CNTN5: variants seen among roughly 807,000 people sequenced by gnomAD.
The protein encoded by CNTN5 is contactin 5, also known as contactin-5.
A neutral mutation model predicts 129.1 loss-of-function variants in CNTN5; 77 were observed. The observed-to-expected ratio is 0.60, with a 90% CI of 0.50 to 0.72. CNTN5 has a LOEUF of 0.72. Ranked by LOEUF, CNTN5 falls within the 30% of genes least tolerant of loss-of-function variation. CNTN5 has a pLI of 0.00. For missense variants in CNTN5, 1,478 were observed against 1,328.8 expected (o/e 1.11, Z -1.75); for synonymous variants, 509 against 465.6 (o/e 1.09, Z -1.20).
chr11:100,072,112 A>G (rs577973639), intron 12 of CNTN5, among the ~76,000 whole-genome samples: 1 of 152,336 alleles, frequency 6.6e-6, no homozygotes, highest in East Asian at 1.9e-4. Context: ...TAAAAAAATC[A>G]TATAAAGAAA....
intron 13 of CNTN5, among the ~76,000 whole-genome samples, chr11:100,175,350 A>G (rs1434494214): frequency 6.6e-6 from 1 of 152,112 alleles, no homozygotes; most frequent in Non-Finnish European, 1.5e-5. Context: ...AAGGTATCAA[A>G]AGTGCCTTGT....
chr11:99,213,281 T>C (rs1367766480), intron 1 of CNTN5, among the ~76,000 whole-genome samples: 16 of 145,644 alleles, frequency 1.1e-4, no homozygotes, highest in Non-Finnish European at 2.0e-4. Context: ...TATATATACA[T>C]ATAATATATA....
intron 3 of CNTN5, among the ~76,000 whole-genome samples, chr11:99,755,463 T>TTCCC (rs1944376416): frequency 6.6e-6 from 1 of 152,220 alleles, no homozygotes; most frequent in Non-Finnish European, 1.5e-5. Context: ...TACTTTGTAA[T>TTCCC]TCCCTAATGA....
At chr11:99,153,085 T>A (rs1004210335) in intron 1 of CNTN5, among the ~76,000 whole-genome samples, 5 of 152,178 alleles carry the variant, frequency 3.3e-5, no homozygotes, top group African/African-American at 1.2e-4. Context: ...TTTCTTCTTT[T>A]GTTTTGACAT....
chr11:99,350,619 C>T (rs1409995804), intron 2 of CNTN5, among the ~76,000 whole-genome samples: 3 of 151,948 alleles, frequency 2.0e-5, no homozygotes, highest in Non-Finnish European at 2.9e-5. Context: ...TACTACTAAG[C>T]GGTAAGAAGG....
At chr11:99,050,715 C>T (rs566327591) in intron 1 of CNTN5, among the ~76,000 whole-genome samples, 1 of 151,188 alleles carries the variant, frequency 6.6e-6, no homozygotes, top group South Asian at 2.1e-4. Flanking sequence ...TAGCAACTTA[C>T]AATTTTTAGG....
chr11:100,333,482 G>C (rs1367287198), intron 21 of CNTN5, among the ~76,000 whole-genome samples: 1 of 131,636 alleles, frequency 7.6e-6, no homozygotes, highest in South Asian at 2.3e-4. Flanking sequence ...GCCAAAGCAA[G>C]ACTAAGCAAC....
At chr11:99,643,744 A>G (rs917992265) in intron 3 of CNTN5, among the ~76,000 whole-genome samples, 4 of 152,138 alleles carry the variant, frequency 2.6e-5, no homozygotes, top group Admixed American at 1.3e-4. Flanking sequence ...ATAGATGGGA[A>G]CCCTATGGTC....
chr11:99,715,724 A>G (rs1955191039), intron 3 of CNTN5, among the ~76,000 whole-genome samples: 1 of 152,024 alleles, frequency 6.6e-6, no homozygotes, highest in Non-Finnish European at 1.5e-5. Context: ...GATAGATTTT[A>G]ATATTTATGT....
intron 16 of CNTN5, among the ~76,000 whole-genome samples, chr11:100,247,292 T>C (rs10894660): frequency 0.3 from 46,126 of 151,950 alleles, 8,149 homozygotes; most frequent in East Asian, 0.63. Flanking sequence ...AACAGATGAA[T>C]AGACAGATAA....
chr11:99,555,577 G>A (rs1255767542), intron 2 of CNTN5, among the ~76,000 whole-genome samples: 1 of 151,896 alleles, frequency 6.6e-6, no homozygotes, highest in Non-Finnish European at 1.5e-5. Context: ...AAAAGATACT[G>A]AAAGAAATAA....
rs138238831 is a variant in CNTN5, at chr11:100,045,777, A to G, written c.981-15435A>G. Among the ~76,000 whole-genome samples the G allele has an allele frequency of 2.6e-3, 392 of 152,118 alleles. 16 individuals carry two copies. The East Asian group carries it at 0.057, about 22-fold the overall frequency. ...TACTAGAGATGCCATCACACAAACA[A>G]ATGGTAATTATAAAGTCTGATGATG... On this transcript the variant is annotated intron_variant, in intron 9 of 24. Transcript: ENST00000524871.
chr11:99,102,255 T>A (rs1056113588), intron 1 of CNTN5, among the ~76,000 whole-genome samples: 105 of 151,840 alleles, frequency 6.9e-4, no homozygotes, highest in Non-Finnish European at 1.2e-3. Context: ...TCTTGGTCAG[T>A]GATGGGAGGG....
intron 2 of CNTN5, among the ~76,000 whole-genome samples, chr11:99,503,520 T>C (rs924932386): frequency 1.3e-5 from 2 of 152,206 alleles, no homozygotes; most frequent in African/African-American, 4.8e-5. Flanking sequence ...CTTTCTGCAA[T>C]GCTGTGAGTG....
chr11:100,074,740 A>G (rs1456333461), intron 13 of CNTN5, among the ~76,000 whole-genome samples: 2 of 152,132 alleles, frequency 1.3e-5, no homozygotes, highest in Non-Finnish European at 2.9e-5. Flanking sequence ...TTGTCTTTTT[A>G]TCCAGGTCAT....
chr11:100,269,671 C>T (rs1950372661), intron 17 of CNTN5, among the ~76,000 whole-genome samples: 1 of 152,064 alleles, frequency 6.6e-6, no homozygotes, highest in Non-Finnish European at 1.5e-5. Context: ...ATCATAAATT[C>T]CAACTGTCAC....
intron 4 of CNTN5, among the ~76,000 whole-genome samples, chr11:99,821,471 A>C (rs1195686807): frequency 1.3e-5 from 2 of 152,158 alleles, no homozygotes; most frequent in Non-Finnish European, 2.9e-5. Context: ...AAATATTAAA[A>C]TAGAATTGTT....
intron 1 of CNTN5, among the ~76,000 whole-genome samples, chr11:99,286,741 A>G (rs1414450617): frequency 2.0e-5 from 3 of 152,080 alleles, no homozygotes; most frequent in African/African-American, 7.2e-5. Context: ...GTACATCTGG[A>G]TTTATAGATT....
intron 2 of CNTN5, among the ~76,000 whole-genome samples, chr11:99,374,036 T>C (rs921761328): frequency 6.6e-6 from 1 of 152,166 alleles, no homozygotes; most frequent in Non-Finnish European, 1.5e-5. Context: ...GAAAAAGTAA[T>C]ATTTGAGGAA....
Sources: gnomAD v4.1 joint callset for allele counts (sites outside exome capture counted in the v4.1 genomes callset) on GRCh38, gnomAD v4.1.1 for gene constraint, MANE v1.5 for transcripts, NCBI Gene and HGNC (gene_info 2026-07-23, HGNC 2026-07-21) for gene names.